The following SLC19A3 variants were observed in gnomAD, a reference collection of about 807,000 sequenced individuals.
The protein encoded by SLC19A3 is solute carrier family 19 member 3.
In SLC19A3, 31 loss-of-function variants were observed where a neutral mutation model predicts 40.2. The observed-to-expected ratio is 0.77, with a 90% CI of 0.58 to 1.04. The LOEUF is 1.04. Ranked by LOEUF, SLC19A3 falls within the 50% of genes least tolerant of loss-of-function variation. The pLI is 0.00. For synonymous variants in SLC19A3, 212 were observed against 227.5 expected (o/e 0.93, Z 0.61); for missense variants, 592 against 596.7 (o/e 0.99, Z 0.08).
chr2:227,706,561 A>G (rs759743542), intron 1 of SLC19A3: 234 of 820,052 alleles, frequency 2.9e-4, no homozygotes, highest in Non-Finnish European at 3.3e-4. Context: ...ACCTGAGGTC[A>G]GGAGTTCAAG....
At chr2:227,690,182 T>C (rs1366480909) in intron 4 of SLC19A3, among the ~76,000 whole-genome samples, 2 of 152,180 alleles carry the variant, frequency 1.3e-5, no homozygotes, top group Non-Finnish European at 2.9e-5. Flanking sequence ...GAATGGATTT[T>C]TAAAAAGACC....
At position 227,699,065 on chromosome 2, in the gene SLC19A3, A is replaced by G. The variant is rs1487627565; in HGVS notation, c.650T>C (p.Leu217Ser). ...TGCTTCACCTTCGTGAGTTTCCTCT[A>G]ATACTGGATTCACGCTTGATGACTT... ...IKKSSSVNPV[L>S]EETHEGEAPG... The change falls in exon 3 of 6, where the codon TTA becomes TCA. Residue 217 changes from leucine to serine, a missense_variant. By Grantham distance (145) the Leu-to-Ser change is moderately radical (BLOSUM62 -2). Transcript: ENST00000644224. The G allele has an allele frequency of 1.2e-6, 2 of 1,614,040 alleles. No individual in the cohort carries two copies. Among genetic ancestry groups the G allele is most frequent in the African/African-American group, 2.7e-5 (2 of 74,922 alleles).
At position 227,706,172 on chromosome 2, in the gene SLC19A3, C is replaced by G. The variant is rs1574572437; in HGVS notation, c.-2-3852G>C. The stretch of plus-strand genomic sequence containing the variant: ...CAACAAAGTATTATTCTGGAATAGA[C>G]TGTTCTTTTGTCTTTTTTCCATTTA... On this transcript the variant is annotated intron_variant, in intron 1 of 5. Coordinates refer to ENST00000644224, the MANE Select transcript of SLC19A3 (RefSeq NM_025243.4). 1.8e-5 allele frequency: 9 copies of G among 494,090 alleles called. No homozygotes were observed. In the East Asian group the frequency reaches 3.2e-4, roughly 17 times the overall value. The allele number at this position is 494,090 out of a possible 1,614,324, so 30.6% of individuals were successfully genotyped here. A position where few individuals can be genotyped will look rare whatever the true frequency, so the allele number is the denominator to read the frequency against.
chr2:227,692,796 A>T (rs766014761), intron 4 of SLC19A3, among the ~76,000 whole-genome samples: 10 of 152,216 alleles, frequency 6.6e-5, no homozygotes. Flanking sequence ...TCTTACATTT[A>T]GGAAAACTTA....
Position 227,698,828 on chromosome 2 carries a change from A to C in SLC19A3, c.887T>G (p.Leu296Trp). ...AFATAGFNQV[L>W]NYVQILWDYK... The stretch of plus-strand genomic sequence containing the variant: ...ATCCCACAGGATTTGAACATAGTTC[A>C]AAACCTGGTTAAAACCTGCTGTGGC... The change falls in exon 3 of 6, where the codon TTG becomes TGG. Residue 296 changes from leucine (L) to tryptophan (W), a missense_variant. By Grantham distance (61) the Leu-to-Trp change is moderately conservative (BLOSUM62 -2). Transcript: ENST00000644224. The C allele has an allele frequency of 1.2e-6, 2 of 1,614,252 alleles. No individual in the cohort carries two copies. The highest frequency in any genetic ancestry group is 2.2e-5 in the South Asian group (2 of 91,088).
chr2:227,699,448 A>T lies in SLC19A3; in HGVS notation c.267T>A (p.Ser89Arg). 1 of 1,614,180 alleles carries T rather than the reference A, an allele frequency of 6.2e-7. No homozygotes were observed. Among genetic ancestry groups the T allele is most frequent in the Non-Finnish European group, 8.5e-7 (1 of 1,180,040 alleles). ...ACAGCAGCAGCCAGGTAATGATGAA[A>T]CTGATACCTTGCAAGATGATGACTG... is the stretch of plus-strand genomic sequence containing the variant. ...YKPVIILQGI[S>R]FIITWLLLLF... Residue 89 changes from serine (S) to arginine (R), a missense_variant, in exon 3 of 6, where the codon AGT becomes AGA. Ser to Arg is a moderately radical substitution (Grantham distance 110). Coordinates refer to ENST00000644224, the MANE Select transcript of SLC19A3 (RefSeq NM_025243.4).
At chr2:227,712,050 C>CAACAAAAAAAA (rs1553575279) in intron 1 of SLC19A3, among the ~76,000 whole-genome samples, 2 of 65,464 alleles carry the variant, frequency 3.1e-5, no homozygotes, top group Non-Finnish European at 5.1e-5. Context: ...ACTCTGTCTC[C>CAACAAAAAAAA]AAAAAAAAAA....
chr2:227,716,953 C>T (rs1308048975), intron 1 of SLC19A3, among the ~76,000 whole-genome samples: 1 of 146,284 alleles, frequency 6.8e-6, no homozygotes, highest in East Asian at 2.0e-4. Flanking sequence ...CAGGAGACAC[C>T]AATGTTTCAA....
At chr2:227,715,840 G>C (rs1439857463) in intron 1 of SLC19A3, among the ~76,000 whole-genome samples, 1 of 151,208 alleles carries the variant, frequency 6.6e-6, no homozygotes, top group African/African-American at 2.4e-5. Context: ...GTGCCAGGTA[G>C]TTGGGAGACT....
chr2:227,690,706 CAAAAAAAAAAAA>C (rs34163746), intron 4 of SLC19A3, among the ~76,000 whole-genome samples: 8 of 39,170 alleles, frequency 2.0e-4, no homozygotes, highest in African/African-American at 7.6e-4. Context: ...GACTCCATCT[CAAAAAAAAAAAA>C]AAAAAAAAAA....
intron 1 of SLC19A3, among the ~76,000 whole-genome samples, chr2:227,713,565 G>A (rs1696220716): frequency 6.6e-6 from 1 of 152,034 alleles, no homozygotes; most frequent in Non-Finnish European, 1.5e-5. Context: ...TTTTCTAAGA[G>A]AAAGCCCTGA....
intron 3 of SLC19A3, 107 bp downstream of exon 3, chr2:227,698,629 T>C: frequency 9.8e-7 from 1 of 1,025,450 alleles, no homozygotes; most frequent in East Asian, 2.4e-5. Flanking sequence ...AAAAAAGTTA[T>C]GCTTCCTTCT....
chr2:227,708,013 G>A (rs1227779405), intron 1 of SLC19A3, among the ~76,000 whole-genome samples: 1 of 152,178 alleles, frequency 6.6e-6, no homozygotes, highest in Non-Finnish European at 1.5e-5. Flanking sequence ...ACACATGTGA[G>A]CCACCGCGCC....
chr2:227,702,731 T>C (rs1695753339), intron 1 of SLC19A3: 1 of 198,682 alleles, frequency 5.0e-6, no homozygotes, highest in African/African-American at 2.4e-5. Context: ...AATCATTGTA[T>C]GGCAGCTATA....
chr2:227,708,560 TCAAA>T (rs60812853), intron 1 of SLC19A3, among the ~76,000 whole-genome samples: 92,984 of 150,526 alleles, frequency 0.62, 30,865 homozygotes, highest in Non-Finnish European at 0.76. Context: ...CCTGTCTCTA[TCAAA>T]CAAACAAACA....
intron 2 of SLC19A3, chr2:227,701,931 T>G (rs1365041649): frequency 2.1e-5 from 10 of 477,408 alleles, no homozygotes; most frequent in Non-Finnish European, 3.0e-5. Flanking sequence ...ACACAAATGT[T>G]AGGACTCTAT....
rs151025309 is a variant in SLC19A3, at chr2:227,714,614, G to A, written c.-3+3329C>T. The A allele has an allele frequency of 3.5e-4, 345 of 981,500 alleles. 4 individuals carry two copies. In the African/African-American group the frequency reaches 5.2e-3, roughly 15 times the overall value. The allele number at this position is 981,500 out of a possible 1,614,324, so 60.8% of individuals were successfully genotyped here. A position where few individuals can be genotyped will look rare whatever the true frequency, so the allele number is the denominator to read the frequency against. ...TCAGACAGAGCTGCCAAGAGCAATA[G>A]CTTTATACGCAGAAGCCCATCCACT... On this transcript the variant is annotated intron_variant, in intron 1 of 5. Coordinates refer to ENST00000644224, the MANE Select transcript of SLC19A3 (RefSeq NM_025243.4).
At chr2:227,690,198 A>C (rs1695167497) in intron 4 of SLC19A3, among the ~76,000 whole-genome samples, 1 of 152,128 alleles carries the variant, frequency 6.6e-6, no homozygotes, top group South Asian at 2.1e-4. Context: ...AGACCCAATG[A>C]CCTGTTGCCT....
intron 3 of SLC19A3, among the ~76,000 whole-genome samples, chr2:227,696,573 C>T (rs1695445420): frequency 6.6e-6 from 1 of 152,156 alleles, no homozygotes; most frequent in Admixed American, 6.6e-5. Context: ...TTGCCCTACC[C>T]AGTTTTAGTC....
Sources: allele counts gnomAD v4.1 joint callset (sites outside exome capture counted in the v4.1 genomes callset), GRCh38; gene constraint gnomAD v4.1.1; transcripts MANE v1.5; gene names NCBI Gene and HGNC (gene_info 2026-07-23, HGNC 2026-07-21).